Variants in SLC22A25 observed in about 807,000 individuals in gnomAD.
SLC22A25 encodes solute carrier family 22 member 25, also known as MGI:2442751, MGI:2385316, MGI:3042283, MGI:3645714, MGI:3605624, MGI:2442750.
SLC22A25 carries 44 observed loss-of-function variants against 45.9 expected under a neutral mutation model. That is an observed-to-expected ratio of 0.96 (90% CI 0.75 to 1.23). The LOEUF (loss-of-function observed/expected upper bound fraction) is 1.23. SLC22A25 is among the 50% of genes most tolerant of loss of function. The pLI is 0.00. For missense variants in SLC22A25, 800 were observed against 666.4 expected, an observed-to-expected ratio of 1.20 and a Z score of -2.21; for synonymous variants, 283 against 238.6, an observed-to-expected ratio of 1.19 and a Z score of -1.72.
chr11:63,218,327 A>G, intron 5 of SLC22A25: 1 of 277,782 alleles, frequency 3.6e-6, no homozygotes, highest in Non-Finnish European at 7.0e-6. Context: ...AGAAGGGAAC[A>G]ATAGATGCTG....
At chr11:63,206,910 A>G (rs1565102469) in intron 7 of SLC22A25, among the ~76,000 whole-genome samples, 1 of 152,252 alleles carries the variant, frequency 6.6e-6, no homozygotes, top group Non-Finnish European at 1.5e-5. Flanking sequence ...CCAAAACAGC[A>G]TGGCAGTGGT....
intron 7 of SLC22A25, among the ~76,000 whole-genome samples, chr11:63,196,769 G>A (rs2089050118): frequency 6.6e-6 from 1 of 152,170 alleles, no homozygotes; most frequent in Non-Finnish European, 1.5e-5. Context: ...AATCAGGTAG[G>A]AGAAAGAAAT....
chr11:63,187,726 C>T (rs546492107), intron 7 of SLC22A25, among the ~76,000 whole-genome samples: 1 of 152,248 alleles, frequency 6.6e-6, no homozygotes, highest in East Asian at 1.9e-4. Context: ...CTCATCAATA[C>T]CTAATTTATT....
intron 7 of SLC22A25, among the ~76,000 whole-genome samples, chr11:63,194,315 G>A (rs548591650): frequency 5.3e-5 from 8 of 151,996 alleles, no homozygotes; most frequent in Non-Finnish European, 8.8e-5. Context: ...TACAGAGAAC[G>A]CCACAAAGAT....
chr11:63,194,773 T>C (rs1231060110), intron 7 of SLC22A25, among the ~76,000 whole-genome samples: 1 of 150,994 alleles, frequency 6.6e-6, no homozygotes, highest in Non-Finnish European at 1.5e-5. Context: ...ACTGGCAAAT[T>C]GTATAAAGAG....
chr11:63,227,342 G>A (rs1181358156), intron 5 of SLC22A25, among the ~76,000 whole-genome samples: 1 of 152,098 alleles, frequency 6.6e-6, no homozygotes, highest in Non-Finnish European at 1.5e-5. Context: ...GGAGCCAAGG[G>A]ATATTTAGTT....
At chr11:63,190,199 G>GTA (rs1355981637) in intron 7 of SLC22A25, among the ~76,000 whole-genome samples, 2 of 151,984 alleles carry the variant, frequency 1.3e-5, no homozygotes, top group African/African-American at 4.8e-5. Context: ...ATGTAGATTT[G>GTA]GTCTTTTCAG....
Position 63,229,356 on chromosome 11 carries a change from A to T in SLC22A25, c.297T>A (p.Ile99=). 1 of 1,613,972 alleles carries T rather than the reference A, an allele frequency of 6.2e-7. No individual in the cohort carries two copies. Residue 99 remains isoleucine (I), a synonymous_variant, in exon 4 of 12, where the codon ATT becomes ATA. Transcript: ENST00000306494. The part of the protein sequence containing the change: ...RRFVHPQWKL[I]HLNGTFPNTS... ...TGTTGGGGAAGGTCCCATTCAGATG[A>T]ATGAGCTTCCACTGGGGATGGACAA...
At chr11:63,236,307 G>A (rs561406209) in intron 3 of SLC22A25, among the ~76,000 whole-genome samples, 28 of 152,196 alleles carry the variant, frequency 1.8e-4, no homozygotes, top group Middle Eastern at 3.4e-3. Flanking sequence ...CGAGCTTCCC[G>A]GCAGCTTTGT....
chr11:63,235,133 C>G lies in SLC22A25; in HGVS notation c.-445+2748G>C, dbSNP rs576828623. On this transcript the variant is annotated intron_variant, in intron 3 of 11. Transcript: ENST00000306494. ...GATAATTATGTGTCTTGGAGTTGCT[C>G]TTCTTGAGGAGTATCTTTGTGGCAT... Among the ~76,000 whole-genome samples the G allele has an allele frequency of 1.1e-3, 174 of 152,216 alleles. 1 individual carries two copies. The Middle Eastern group carries it at 0.017, about 15-fold the overall frequency.
At chr11:63,214,535 C>T (rs2089661210) in intron 7 of SLC22A25, among the ~76,000 whole-genome samples, 1 of 152,130 alleles carries the variant, frequency 6.6e-6, no homozygotes, top group African/African-American at 2.4e-5. Flanking sequence ...GCTAGTGAGC[C>T]TTATCTCTCC....
At chr11:63,180,507 C>T (rs1363277177) in intron 9 of SLC22A25, among the ~76,000 whole-genome samples, 153 bp downstream of exon 9, 1 of 152,082 alleles carries the variant, frequency 6.6e-6, no homozygotes, top group Non-Finnish European at 1.5e-5. Flanking sequence ...TTTCATAACC[C>T]TTTTACCACT....
At chr11:63,183,527 C>G (rs2088404325) in intron 8 of SLC22A25, among the ~76,000 whole-genome samples, 167 bp downstream of exon 8, 1 of 152,116 alleles carries the variant, frequency 6.6e-6, no homozygotes, top group Admixed American at 6.6e-5. Context: ...AGGATATTCT[C>G]TTTCAATGTT....
intron 8 of SLC22A25, among the ~76,000 whole-genome samples, chr11:63,183,179 G>A (rs2088392006): frequency 6.6e-6 from 1 of 152,076 alleles, no homozygotes; most frequent in African/African-American, 2.4e-5. Flanking sequence ...TACAAATATA[G>A]ATTTGGACTG....
intron 3 of SLC22A25, among the ~76,000 whole-genome samples, chr11:63,230,470 C>T (rs763750802): frequency 1.3e-5 from 2 of 152,114 alleles, no homozygotes; most frequent in Non-Finnish European, 2.9e-5. Flanking sequence ...AGATAGAGTA[C>T]ATAAACAATT....
intron 7 of SLC22A25, among the ~76,000 whole-genome samples, chr11:63,194,056 G>A (rs2088912595): frequency 6.6e-6 from 1 of 152,170 alleles, no homozygotes; most frequent in Non-Finnish European, 1.5e-5. Context: ...GTGGAAGAAA[G>A]GGTATCAGTG....
chr11:63,210,904 A>G (rs976520367), intron 7 of SLC22A25, among the ~76,000 whole-genome samples: 2 of 152,182 alleles, frequency 1.3e-5, no homozygotes, highest in African/African-American at 4.8e-5. Flanking sequence ...TTAGGGAGAG[A>G]CTTACTCCAG....
chr11:63,184,271 T>C (rs1036331384), intron 7 of SLC22A25, among the ~76,000 whole-genome samples: 4 of 152,128 alleles, frequency 2.6e-5, no homozygotes, highest in Non-Finnish European at 5.9e-5. Flanking sequence ...ACTGGATATA[T>C]TAGCAAGTCA....
chr11:63,159,681 T>C lies in SLC22A25; in HGVS notation c.*4143A>G, dbSNP rs2087519214. 9.5e-6 allele frequency among the ~76,000 whole-genome samples: 1 copy of C among 105,248 alleles called. No individual in the cohort carries two copies. Among genetic ancestry groups the C allele is most frequent in the South Asian group, 4.0e-4 (1 of 2,498 alleles). 69.0% of individuals were successfully genotyped at this position (105,248 alleles called of 152,430 possible). A position where few individuals can be genotyped will look rare whatever the true frequency, so the allele number is the denominator to read the frequency against. ...GTGCTTCTGTAAAGATACCCACAAA[T>C]GTGGAAGCAACTTTGGAACTGGGGC... On this transcript the variant is annotated 3_prime_UTR_variant, in exon 12 of 12. Coordinates refer to ENST00000306494, the MANE Select transcript of SLC22A25 (RefSeq NM_199352.6).
Sources: gnomAD v4.1 joint callset for allele counts (sites outside exome capture counted in the v4.1 genomes callset) on GRCh38, gnomAD v4.1.1 for gene constraint, MANE v1.5 for transcripts, NCBI Gene and HGNC (gene_info 2026-07-23, HGNC 2026-07-21) for gene names.